GOLGB1: variants seen among roughly 807,000 people sequenced by gnomAD.
GOLGB1 encodes the protein golgin subfamily B member 1.
A neutral mutation model predicts 336.9 loss-of-function variants in GOLGB1; 174 were observed. The ratio of observed to expected loss-of-function variants is 0.52; its 90% CI spans 0.46 to 0.59. The LOEUF (loss-of-function observed/expected upper bound fraction) is 0.59, where lower values mean the gene tolerates loss of function less well. GOLGB1 is among the 20% of genes least tolerant of loss of function. The probability of loss-of-function intolerance (pLI) is 0.00; values close to 1 mark genes in which losing one functional copy is unlikely to be tolerated. For missense variants in GOLGB1, 3,331 were observed against 3,645.3 expected, an observed-to-expected ratio of 0.91 and a Z score of 2.22; for synonymous variants, 1,208 against 1,289.2, an observed-to-expected ratio of 0.94 and a Z score of 1.35.
At position 121,717,111 on chromosome 3, in the gene GOLGB1, T is replaced by C. The variant is rs1450553134; in HGVS notation, c.914A>G (p.Glu305Gly). 1 of 1,612,140 alleles carries C rather than the reference T, an allele frequency of 6.2e-7. No individual in the cohort carries two copies. The highest frequency in any genetic ancestry group is 8.5e-7 in the Non-Finnish European group (1 of 1,178,842). ...QILSQQLQQMEAEHNTLRNTV... is the reference protein window; with the variant it reads ...QILSQQLQQMGAEHNTLRNTV... ...GTTCCTCAAAGTATTATGCTCAGCT[T>C]CCATCTGCTGTAACTGCTGAGAGAG... The change falls in exon 9 of 22, where the codon GAA (glutamate) becomes GGA (glycine). Residue 305 changes from glutamate (E) to glycine (G), a missense_variant. Physicochemically the swap from Glu to Gly is moderately conservative, Grantham distance 98. Transcript: ENST00000614479.
At chr3:121,718,530 T>C (rs768997574) in intron 7 of GOLGB1, 29 bp from the exon 8 acceptor site, 1 of 1,332,916 alleles carries the variant, frequency 7.5e-7, no homozygotes, top group Non-Finnish European at 1.1e-6. Flanking sequence ...AGACATAATA[T>C]GCTAACAAAT....
intron 15 of GOLGB1, 104 bp from the exon 16 acceptor site, chr3:121,677,554 A>C (rs1341364042): frequency 2.7e-6 from 2 of 739,126 alleles, no homozygotes; most frequent in African/African-American, 1.8e-5. Flanking sequence ...AAGTTACTCA[A>C]ATCTGGAAGG....
chr3:121,681,500 C>T (rs1044284304), intron 15 of GOLGB1, among the ~76,000 whole-genome samples, 187 bp downstream of exon 15: 2 of 152,064 alleles, frequency 1.3e-5, no homozygotes, highest in Non-Finnish European at 2.9e-5. Context: ...GAATGTGGTC[C>T]GCGAATTGTA....
At chr3:121,748,548 C>CT (rs981019113) in intron 1 of GOLGB1, among the ~76,000 whole-genome samples, 30 of 152,212 alleles carry the variant, frequency 2.0e-4, no homozygotes, top group African/African-American at 6.8e-4. Flanking sequence ...TACTCTTCAA[C>CT]TTTTTCCTGC....
rs918273274 is a variant in GOLGB1, at chr3:121,683,133, C to T, written c.8695-1268G>A. ...CCCAGGCTGGTCTCAAACTCCTGGA[C>T]TCAAGTGATCCCTCCACCTTGGCCT... On this transcript the variant is annotated intron_variant, in intron 14 of 21. Coordinates refer to ENST00000614479, the MANE Select transcript of GOLGB1 (RefSeq NM_001366282.2). Among the ~76,000 whole-genome samples the T allele has an allele frequency of 1.8e-4, 24 of 130,626 alleles. No homozygotes were observed. In the Admixed American group the frequency reaches 2.0e-3, roughly 11 times the overall value. The allele number at this position is 130,626 out of a possible 152,430, so 85.7% of individuals were successfully genotyped here.
intron 17 of GOLGB1, among the ~76,000 whole-genome samples, chr3:121,670,713 T>C (rs530089741): frequency 3.0e-5 from 4 of 134,324 alleles, no homozygotes; most frequent in South Asian, 2.5e-4. Flanking sequence ...TCCAGTCTGA[T>C]AGTCTAGCAA....
chr3:121,729,078 A>C, intron 4 of GOLGB1, 110 bp downstream of exon 4: 1 of 725,258 alleles, frequency 1.4e-6, no homozygotes, highest in Non-Finnish European at 2.2e-6. Flanking sequence ...ACAAAACATT[A>C]TTTAGTGCTG....
chr3:121,743,479 G>A (rs930296750), intron 1 of GOLGB1, among the ~76,000 whole-genome samples: 1 of 152,142 alleles, frequency 6.6e-6, no homozygotes, highest in Non-Finnish European at 1.5e-5. Context: ...TGGGGGCTGG[G>A]GAAGGGATAG....
rs1363487942 is a variant in GOLGB1, at chr3:121,683,183, T to C, written c.8695-1318A>G. Among the ~76,000 whole-genome samples, 4 of 148,872 alleles carry C rather than the reference T, an allele frequency of 2.7e-5. No individual in the cohort carries two copies. The Admixed American group carries it at 2.7e-4, about 10-fold the overall frequency. On this transcript the variant is annotated intron_variant, in intron 14 of 21. Coordinates refer to ENST00000614479, the MANE Select transcript of GOLGB1 (RefSeq NM_001366282.2). ...TCCCGAAGTGCTGGGATTACAGGCG[T>C]GAGCCACTGCGCCCGGCCAGAAAAC... is the stretch of plus-strand genomic sequence containing the variant.
intron 2 of GOLGB1, 147 bp downstream of exon 2, chr3:121,730,729 A>G (rs998023460): frequency 1.3e-5 from 9 of 683,472 alleles, no homozygotes; most frequent in African/African-American, 1.1e-4. Flanking sequence ...CAAGAGAAGG[A>G]TCACTTATAA....
Position 121,676,868 on chromosome 3 carries a change from T to A in GOLGB1, c.9177+25A>T, listed in dbSNP as rs1324171489. 2.5e-6 allele frequency: 4 copies of A among 1,607,436 alleles called. No homozygotes were observed. The East Asian group carries it at 8.9e-5, about 36-fold the overall frequency. ...CCAGTCATGGAAAAAAGAAACTGAATTCCAGTCTAACAAGAAACACTTACG... is the reference window on the plus strand; with the variant it reads ...CCAGTCATGGAAAAAAGAAACTGAAATCCAGTCTAACAAGAAACACTTACG... On this transcript the variant is annotated intron_variant, in intron 17 of 21. Transcript: ENST00000614479.
rs199969126 is a variant in GOLGB1, at chr3:121,714,800, C to T, written c.1404+61G>A. On this transcript the variant is annotated intron_variant, in intron 10 of 21. Coordinates refer to ENST00000614479, the MANE Select transcript of GOLGB1 (RefSeq NM_001366282.2). ...CTGGAATAAATCCTCATTAGAGCAC[C>T]GAAGTACAGATACAGCAAAGACAAA... The T allele has an allele frequency of 4.9e-4, 514 of 1,058,240 alleles. 1 individual carries two copies. Among genetic ancestry groups the T allele is most frequent in the Admixed American group, 5.8e-4 (34 of 58,888 alleles). The allele number at this position is 1,058,240 out of a possible 1,614,324, so 65.6% of individuals were successfully genotyped here.
At chr3:121,747,313 GTA>G (rs988443934) in intron 1 of GOLGB1, among the ~76,000 whole-genome samples, 8 of 140,150 alleles carry the variant, frequency 5.7e-5, no homozygotes, top group East Asian at 4.1e-4. Context: ...ATGTATATAT[GTA>G]TATATGTGTA....
chr3:121,706,948 C>G lies in GOLGB1; in HGVS notation c.1405-4353G>C, dbSNP rs145623518. ...CCATGACTGGCCAGGCACGGTGACTCACACCTGCAATCCCAGCACTTTGGG... is the reference window on the plus strand; with the variant it reads ...CCATGACTGGCCAGGCACGGTGACTGACACCTGCAATCCCAGCACTTTGGG... On this transcript the variant is annotated intron_variant, in intron 10 of 21. Coordinates refer to ENST00000614479, the MANE Select transcript of GOLGB1 (RefSeq NM_001366282.2). 2.3e-3 allele frequency among the ~76,000 whole-genome samples: 342 copies of G among 151,966 alleles called. 3 individuals are homozygous for G. Among genetic ancestry groups the G allele is most frequent in the African/African-American group, 8.0e-3 (331 of 41,456 alleles).
chr3:121,713,380 G>T (rs1402658024), intron 10 of GOLGB1, among the ~76,000 whole-genome samples: 1 of 152,062 alleles, frequency 6.6e-6, no homozygotes, highest in African/African-American at 2.4e-5. Context: ...TCCATCAATA[G>T]GAAAATGCAG....
chr3:121,686,664 TACAC>T (rs35557945), intron 14 of GOLGB1, among the ~76,000 whole-genome samples: 17 of 150,992 alleles, frequency 1.1e-4, no homozygotes, highest in Admixed American at 2.6e-4. Context: ...ATTAAACATA[TACAC>T]ACACACACAC....
chr3:121,716,861 A>G lies in GOLGB1; in HGVS notation c.1164T>C (p.Ser388=). 6 of 1,613,858 alleles carry G rather than the reference A, an allele frequency of 3.7e-6. No homozygotes were observed. Among genetic ancestry groups the G allele is most frequent in the Non-Finnish European group, 5.1e-6 (6 of 1,179,764 alleles). ...GCAGCTCTTGTCCAGTCTTTTGAAG[A>G]CTCAAAATATGAGAGGTCTTCTCTT... ...EMEEKTSHIL[S]LQKTGQELQS... is the part of the protein sequence containing the mutation. The change falls in exon 9 of 22, where the codon AGT becomes AGC. Residue 388 remains serine, a synonymous_variant. Transcript: ENST00000614479.
At chr3:121,702,408 CA>C in intron 11 of GOLGB1, 72 bp downstream of exon 11, 1 of 541,616 alleles carries the variant, frequency 1.8e-6, no homozygotes, top group Non-Finnish European at 3.2e-6. Context: ...ACATGTTATA[CA>C]TAATTAGTGA....
At position 121,702,527 on chromosome 3, in the gene GOLGB1, G is replaced by C; in HGVS notation, c.1473C>G (p.Ala491=). The change falls in exon 11 of 22, where the codon GCC becomes GCG. Residue 491 remains alanine (A), a synonymous_variant. Transcript: ENST00000614479. Reference sequence around the variant, plus strand: ...CCAGCTCTATAGAACTAAGGAGCAAGGCTCCCTTTTCATTCTCTAGTTCTA... The same window carrying C: ...CCAGCTCTATAGAACTAAGGAGCAACGCTCCCTTTTCATTCTCTAGTTCTA... The part of the protein sequence containing the change: ...RVVELENEKG[A]LLLSSIELEE... 1 of 1,550,192 alleles carries C rather than the reference G, an allele frequency of 6.5e-7. No individual in the cohort carries two copies.
Sources: gnomAD v4.1 joint callset for allele counts (sites outside exome capture counted in the v4.1 genomes callset) on GRCh38, gnomAD v4.1.1 for gene constraint, MANE v1.5 for transcripts, NCBI Gene and HGNC (gene_info 2026-07-23, HGNC 2026-07-21) for gene names.